Variants in FOLH1 observed in about 807,000 individuals in gnomAD.
FOLH1 encodes the protein glutamate carboxypeptidase 2.
Under a neutral mutation model 93.9 loss-of-function variants are expected in FOLH1, and 54 were observed. The ratio of observed to expected loss-of-function variants is 0.57; its 90% CI spans 0.46 to 0.72. The LOEUF (loss-of-function observed/expected upper bound fraction) is 0.72. Among genes scored for constraint, FOLH1 ranks in the 30% least tolerant of loss-of-function variants. FOLH1 has a pLI of 0.00. For missense variants in FOLH1, 571 were observed against 892.5 expected (o/e 0.64, Z 4.59); for synonymous variants, 249 against 303.6 (o/e 0.82, Z 1.87).
intron 12 of FOLH1, among the ~76,000 whole-genome samples, chr11:49,168,741 G>A (rs1327629370): frequency 2.6e-5 from 4 of 152,100 alleles, no homozygotes; most frequent in East Asian, 1.9e-4. Context: ...AAAGTGCTGC[G>A]ATTACAGGCG....
rs200257783 is a variant in FOLH1, at chr11:49,175,878, T to C, written c.1000A>G (p.Thr334Ala). The change falls in exon 8 of 19, where the codon ACT (threonine) becomes GCT (alanine). Residue 334 changes from threonine (T) to alanine (A), a missense_variant. Thr to Ala is a moderately conservative substitution (Grantham distance 58). Coordinates refer to ENST00000256999, the MANE Select transcript of FOLH1 (RefSeq NM_004476.3). Reference sequence around the variant, plus strand: ...CTTAACTGTGTAGAAAAGTTTCCAGTAAAGCCAGGTCCAACATTGTAGGGC... The same window carrying C: ...CTTAACTGTGTAGAAAAGTTTCCAGCAAAGCCAGGTCCAACATTGTAGGGC... ...KVPYNVGPGF[T>A]GNFSTQKVKM... is the part of the protein sequence containing the mutation. 2.2e-5 allele frequency: 35 copies of C among 1,613,698 alleles called. No individual in the cohort carries two copies. Among genetic ancestry groups the C allele is most frequent in the Non-Finnish European group, 2.9e-5 (34 of 1,179,758 alleles).
chr11:49,173,257 C>A, intron 10 of FOLH1, 100 bp downstream of exon 10: 1 of 1,222,900 alleles, frequency 8.2e-7, no homozygotes, highest in Non-Finnish European at 1.1e-6. Flanking sequence ...TTTTACCAAA[C>A]ACATGTAATG....
At chr11:49,201,756 A>G (rs1863282604) in intron 2 of FOLH1, among the ~76,000 whole-genome samples, 1 of 152,232 alleles carries the variant, frequency 6.6e-6, no homozygotes, top group Non-Finnish European at 1.5e-5. Flanking sequence ...AAAGATCACA[A>G]ACTGCAATGT....
Position 49,174,126 on chromosome 11 carries a change from C to T in FOLH1, c.1106-650G>A, listed in dbSNP as rs1455044760. On this transcript the variant is annotated intron_variant, in intron 9 of 18. Coordinates refer to ENST00000256999, the MANE Select transcript of FOLH1 (RefSeq NM_004476.3). ...TTATCTCCCCATTTCCAATGCTTATCATGGAACTGGCACAAAATAGGTACT... is the reference window on the plus strand; with the variant it reads ...TTATCTCCCCATTTCCAATGCTTATTATGGAACTGGCACAAAATAGGTACT... Among the ~76,000 whole-genome samples, 3 of 152,118 alleles carry T rather than the reference C, an allele frequency of 2.0e-5. 1 individual carries two copies. The highest frequency in any genetic ancestry group is 2.9e-5 in the Non-Finnish European group (2 of 68,018).
intron 4 of FOLH1, among the ~76,000 whole-genome samples, chr11:49,191,231 C>G (rs1861997569): frequency 6.6e-6 from 1 of 152,204 alleles, no homozygotes; most frequent in South Asian, 2.1e-4. Flanking sequence ...CTAGGATGGT[C>G]TGGATCTCCT....
Position 49,174,966 on chromosome 11 carries a change from A to T in FOLH1, c.1031T>A (p.Met344Lys), listed in dbSNP as rs776887467. Residue 344 changes from methionine to lysine, a missense_variant, in exon 9 of 19, where the codon ATG becomes AAG. Around this residue, in one of 2 missense-constraint regions of FOLH1, gnomAD observed 500 missense variants for 822.9 expected, o/e 0.61. Transcript: ENST00000256999. ...CACTTCATTGGTAGAGTGGATGTGC[A>T]TCTTGACTTTTCTAATGCAAAAATA... ...TGNFSTQKVK[M>K]HIHSTNEVTR... is the part of the protein sequence containing the mutation. 6.2e-7 allele frequency: 1 copy of T among 1,610,320 alleles called. No individual in the cohort carries two copies. Among genetic ancestry groups the T allele is most frequent in the Non-Finnish European group, 8.5e-7 (1 of 1,178,106 alleles).
chr11:49,207,092 A>C (rs1201024211), intron 1 of FOLH1, among the ~76,000 whole-genome samples: 1 of 152,150 alleles, frequency 6.6e-6, no homozygotes, highest in Non-Finnish European at 1.5e-5. Context: ...CCACCTGTGC[A>C]TAAAACAGAA....
chr11:49,194,178 T>C (rs1407062636), intron 3 of FOLH1, among the ~76,000 whole-genome samples: 2 of 150,288 alleles, frequency 1.3e-5, no homozygotes, highest in Non-Finnish European at 3.0e-5. Flanking sequence ...CCTTCAGGGT[T>C]AAGGATAAAT....
intron 6 of FOLH1, among the ~76,000 whole-genome samples, chr11:49,184,123 C>T (rs1168796120): frequency 6.6e-6 from 1 of 151,940 alleles, no homozygotes; most frequent in Non-Finnish European, 1.5e-5. Flanking sequence ...ACTTAGGTAA[C>T]TGCAAATCCT....
chr11:49,207,948 CAAACA>C lies in FOLH1; in HGVS notation c.118+339_118+343del, dbSNP rs74962694. On this transcript the variant is annotated intron_variant, in intron 1 of 18. Transcript: ENST00000256999. ...ACAGAGAGGTAAAAAAACAAACAAA[CAAACA>C]AAACAAAACAAAACAAAACAAAAGC... The C allele has an allele frequency of 3.2e-3, 1,579 of 496,476 alleles. 10 individuals are homozygous for C. Among genetic ancestry groups the C allele is most frequent in the East Asian group, 0.013 (263 of 19,534 alleles). The allele number at this position is 496,476 out of a possible 1,614,324, so 30.8% of individuals were successfully genotyped here. A position where few individuals can be genotyped will look rare whatever the true frequency, so the allele number is the denominator to read the frequency against.
In FOLH1 at chr11:49,200,193, A is replaced by G; in HGVS notation, c.411+62T>C. The G allele has an allele frequency of 3.1e-6, 4 of 1,286,378 alleles. No individual in the cohort carries two copies. The South Asian group carries it at 4.8e-5, about 15-fold the overall frequency. The allele number at this position is 1,286,378 out of a possible 1,614,324, so 79.7% of individuals were successfully genotyped here. A position where few individuals can be genotyped will look rare whatever the true frequency, so the allele number is the denominator to read the frequency against. On this transcript the variant is annotated intron_variant, in intron 3 of 18. Coordinates refer to ENST00000256999, the MANE Select transcript of FOLH1 (RefSeq NM_004476.3). ...GATGGGATAGAACATTATTTCATAGAAGGTATTTGAAAAAGAATAAATGGG... is the reference window on the plus strand; with the variant it reads ...GATGGGATAGAACATTATTTCATAGGAGGTATTTGAAAAAGAATAAATGGG...
chr11:49,154,770 C>T (rs1856837660), intron 15 of FOLH1, among the ~76,000 whole-genome samples: 1 of 151,732 alleles, frequency 6.6e-6, no homozygotes, highest in Admixed American at 6.6e-5. Flanking sequence ...CAGAACATTG[C>T]ATTCTTAGAT....
intron 13 of FOLH1, among the ~76,000 whole-genome samples, chr11:49,162,118 C>T (rs983516681): frequency 8.5e-5 from 13 of 152,114 alleles, no homozygotes; most frequent in Non-Finnish European, 1.0e-4. Context: ...ATGATCTTCT[C>T]AAGTAGTATC....
At chr11:49,151,399 C>T (rs539503693) in intron 17 of FOLH1, among the ~76,000 whole-genome samples, 8 of 151,166 alleles carry the variant, frequency 5.3e-5, no homozygotes, top group East Asian at 1.9e-4. Flanking sequence ...CGTAAATGCG[C>T]GCGTGCGCGT....
At chr11:49,155,312 A>T (rs1349166895) in intron 15 of FOLH1, among the ~76,000 whole-genome samples, 1 of 151,986 alleles carries the variant, frequency 6.6e-6, no homozygotes, top group Non-Finnish European at 1.5e-5. Flanking sequence ...ATTAATATTT[A>T]TCCTCACTAT....
At chr11:49,151,429 G>GACAC (rs58768462) in intron 17 of FOLH1, among the ~76,000 whole-genome samples, 75 of 151,504 alleles carry the variant, frequency 5.0e-4, no homozygotes, top group African/African-American at 1.7e-3. Context: ...CACACACACA[G>GACAC]ACACACACAC....
chr11:49,196,873 A>G (rs1375074968), intron 3 of FOLH1, among the ~76,000 whole-genome samples: 1 of 152,184 alleles, frequency 6.6e-6, no homozygotes, highest in East Asian at 1.9e-4. Flanking sequence ...ATTATATTGT[A>G]TAGGTCTTGG....
chr11:49,175,531 C>T (rs1859900652), intron 8 of FOLH1, among the ~76,000 whole-genome samples: 1 of 152,098 alleles, frequency 6.6e-6, no homozygotes, highest in African/African-American at 2.4e-5. Flanking sequence ...TTACACTCTG[C>T]TCTTGTGGGG....
intron 17 of FOLH1, among the ~76,000 whole-genome samples, chr11:49,151,601 C>G (rs1292693721): frequency 1.3e-5 from 2 of 152,166 alleles, no homozygotes; most frequent in East Asian, 3.8e-4. Flanking sequence ...TCAGAATTTA[C>G]TATTATGTGC....
Sources: allele counts gnomAD v4.1 joint callset (sites outside exome capture counted in the v4.1 genomes callset), GRCh38; gene constraint gnomAD v4.1.1; regional missense constraint gnomAD v4.1.1; transcripts MANE v1.5; gene names NCBI Gene and HGNC (gene_info 2026-07-23, HGNC 2026-07-21).